MICU1: variants seen among roughly 807,000 people sequenced by gnomAD.
MICU1 encodes the protein calcium uptake protein 1, mitochondrial.
A neutral mutation model predicts 56.8 loss-of-function variants in MICU1; 45 were observed. That is an observed-to-expected ratio of 0.79 (90% CI 0.62 to 1.02). The LOEUF (loss-of-function observed/expected upper bound fraction) is 1.02, where lower values mean the gene tolerates loss of function less well. Ranked by LOEUF, MICU1 falls within the 50% of genes least tolerant of loss-of-function variation. The probability of loss-of-function intolerance (pLI) is 0.00; values close to 1 mark genes in which losing one functional copy is unlikely to be tolerated. For synonymous variants in MICU1, 186 were observed against 195.1 expected (o/e 0.95, Z 0.39); for missense variants, 504 against 587.1 (o/e 0.86, Z 1.46).
chr10:72,570,866 AT>A lies in MICU1; in HGVS notation c.-1-4073del, dbSNP rs573834425. Among the ~76,000 whole-genome samples the A allele has an allele frequency of 2.8e-3, 401 of 144,290 alleles. 1 individual carries two copies. Among genetic ancestry groups the A allele is most frequent in the East Asian group, 8.9e-3 (45 of 5,036 alleles). 94.7% of individuals were successfully genotyped at this position (144,290 alleles called of 152,430 possible). ...TTTTCTTCCTGTCTGGCAACTTCTG[AT>A]TTTTTTTTTTTTGGTTCATTTCAAA... On this transcript the variant is annotated intron_variant, in intron 1 of 11. Transcript: ENST00000361114.
chr10:72,446,414 T>A (rs1420505102), intron 8 of MICU1, among the ~76,000 whole-genome samples: 1 of 151,714 alleles, frequency 6.6e-6, no homozygotes, highest in Non-Finnish European at 1.5e-5. Flanking sequence ...CACTCCAACC[T>A]CCACCTCTCG....
At chr10:72,398,686 A>G (rs1441539036) in intron 10 of MICU1, among the ~76,000 whole-genome samples, 2 of 152,192 alleles carry the variant, frequency 1.3e-5, no homozygotes, top group Non-Finnish European at 2.9e-5. Flanking sequence ...AAACTAGAAA[A>G]TCTAGAAGAA....
Position 72,375,696 on chromosome 10 carries a change from A to T in MICU1, c.1270+87T>A, listed in dbSNP as rs919987833. 2.4e-6 allele frequency: 3 copies of T among 1,234,252 alleles called. No homozygotes were observed. In the Admixed American group the frequency reaches 7.6e-5, roughly 31 times the overall value. The allele number at this position is 1,234,252 out of a possible 1,614,324, so 76.5% of individuals were successfully genotyped here. On this transcript the variant is annotated intron_variant, in intron 11 of 11. Coordinates refer to ENST00000361114, the MANE Select transcript of MICU1 (RefSeq NM_001195518.2). ...TTGAAGAGGATGGGCTGGTACACAG[A>T]TGCTGTCCGCAAGGCTCCATTATAC...
At chr10:72,475,896 G>A (rs560389480) in intron 7 of MICU1, 2 of 456,426 alleles carry the variant, frequency 4.4e-6, no homozygotes, top group Non-Finnish European at 4.4e-6. Flanking sequence ...GAAAATCTCT[G>A]TTCAGGAAAG....
chr10:72,448,196 T>A (rs56827365), intron 8 of MICU1, among the ~76,000 whole-genome samples: 158 of 102,004 alleles, frequency 1.5e-3, no homozygotes, highest in African/African-American at 6.2e-3. Flanking sequence ...TATATATATT[T>A]TTTTTTTTTT....
intron 6 of MICU1, among the ~76,000 whole-genome samples, chr10:72,484,744 G>C (rs1171429251): frequency 6.6e-6 from 1 of 152,154 alleles, no homozygotes; most frequent in African/African-American, 2.4e-5. Flanking sequence ...AACATAGCGA[G>C]ACCCTCTCTA....
intron 1 of MICU1, among the ~76,000 whole-genome samples, chr10:72,604,130 CTTT>C (rs1841622351): frequency 6.6e-6 from 1 of 152,046 alleles, no homozygotes; most frequent in South Asian, 2.1e-4. Context: ...TTCCATGGAA[CTTT>C]TTTAGCATTC....
At chr10:72,557,586 T>C (rs1564933454) in intron 3 of MICU1, among the ~76,000 whole-genome samples, 1 of 152,174 alleles carries the variant, frequency 6.6e-6, no homozygotes, top group Non-Finnish European at 1.5e-5. Context: ...GAATGCAGTA[T>C]AAGGAGCAAG....
At chr10:72,387,552 A>G (rs1314985605) in intron 10 of MICU1, among the ~76,000 whole-genome samples, 3 of 152,192 alleles carry the variant, frequency 2.0e-5, no homozygotes, top group Non-Finnish European at 1.5e-5. Flanking sequence ...TAGGGGTTAG[A>G]TATTCCTAGG....
intron 3 of MICU1, among the ~76,000 whole-genome samples, chr10:72,557,310 G>C (rs1183939590): frequency 2.0e-5 from 3 of 152,052 alleles, no homozygotes; most frequent in African/African-American, 7.2e-5. Flanking sequence ...GGCTTCCAAG[G>C]TCAGTTCAGT....
chr10:72,422,225 C>T (rs1043412434), intron 9 of MICU1, among the ~76,000 whole-genome samples: 1 of 152,318 alleles, frequency 6.6e-6, no homozygotes, highest in Non-Finnish European at 1.5e-5. Flanking sequence ...TCTTCATGTA[C>T]ACACACTGAG....
chr10:72,521,657 A>T (rs1867825790), intron 5 of MICU1, among the ~76,000 whole-genome samples: 1 of 152,088 alleles, frequency 6.6e-6, no homozygotes, highest in Non-Finnish European at 1.5e-5. Context: ...GAGACTCCAG[A>T]GCCCATGTCA....
chr10:72,406,906 C>T (rs540034957), intron 10 of MICU1, among the ~76,000 whole-genome samples: 1 of 152,180 alleles, frequency 6.6e-6, no homozygotes, highest in Non-Finnish European at 1.5e-5. Flanking sequence ...GGATTACAGG[C>T]ATGAACCACC....
At chr10:72,493,699 T>A (rs1487242306) in intron 6 of MICU1, among the ~76,000 whole-genome samples, 4 of 152,298 alleles carry the variant, frequency 2.6e-5, no homozygotes, top group Non-Finnish European at 5.9e-5. Flanking sequence ...TCAAGCGTTC[T>A]GCCCGCCTTG....
In MICU1 at chr10:72,562,960, T is replaced by C. The variant is rs760476871; in HGVS notation, c.265A>G (p.Thr89Ala). 3.1e-6 allele frequency: 5 copies of C among 1,609,638 alleles called. No individual in the cohort carries two copies. In the South Asian group the frequency reaches 5.6e-5, roughly 18 times the overall value. The change falls in exon 3 of 12, where the codon ACT becomes GCT. Residue 89 changes from threonine to alanine, a missense_variant. Physicochemically the swap from Thr to Ala is moderately conservative, Grantham distance 58. Transcript: ENST00000361114. ...EGDVCNHEKK[T>A]ADLAPHPEEK... ...TCTGGGTGAGGGGCAAGATCTGCAG[T>C]CTTTTTCTCATGGTTACAAACATCC...
chr10:72,556,938 G>A (rs1310397087), intron 3 of MICU1, among the ~76,000 whole-genome samples: 1 of 151,866 alleles, frequency 6.6e-6, no homozygotes, highest in Non-Finnish European at 1.5e-5. Flanking sequence ...AGTGTCGGGT[G>A]TCTGTAATTC....
intron 1 of MICU1, among the ~76,000 whole-genome samples, chr10:72,600,391 G>C (rs1370237476): frequency 6.6e-6 from 1 of 151,728 alleles, no homozygotes; most frequent in Admixed American, 6.6e-5. Context: ...CCTCACACCT[G>C]TAATCCCAGC....
chr10:72,544,555 A>G (rs1180100344), intron 4 of MICU1, among the ~76,000 whole-genome samples: 1 of 152,220 alleles, frequency 6.6e-6, no homozygotes, highest in African/African-American at 2.4e-5. Context: ...TTTGCTCTAA[A>G]GAAAGCTCAT....
intron 8 of MICU1, among the ~76,000 whole-genome samples, chr10:72,445,860 G>A (rs1235463785): frequency 6.6e-6 from 1 of 152,180 alleles, no homozygotes; most frequent in Non-Finnish European, 1.5e-5. Context: ...TTAGATAATA[G>A]ATGTGAAACC....
Sources: gnomAD v4.1 joint callset for allele counts (sites outside exome capture counted in the v4.1 genomes callset) on GRCh38, gnomAD v4.1.1 for gene constraint, MANE v1.5 for transcripts, NCBI Gene and HGNC (gene_info 2026-07-23, HGNC 2026-07-21) for gene names.